RWDD3: variants seen among roughly 807,000 people sequenced by gnomAD.
RWDD3 encodes the protein RWD domain containing 3.
A neutral mutation model predicts 26.5 loss-of-function variants in RWDD3; 30 were observed. The observed-to-expected ratio is 1.13, with a 90% CI of 0.85 to 1.54. The LOEUF (loss-of-function observed/expected upper bound fraction) is 1.54, where lower values mean the gene tolerates loss of function less well. RWDD3 is among the 40% of genes most tolerant of loss of function. The pLI is 0.00. For synonymous variants in RWDD3, 113 were observed against 114.5 expected (o/e 0.99, Z 0.09); for missense variants, 296 against 309.1 (o/e 0.96, Z 0.32).
rs544103631 is a variant in RWDD3 at position 95,239,908 on chromosome 1, C to T, written c.86-4303C>T. ...GTGGTTCCCTGCACCAGAGAGGACC[C>T]GGTAGGTGTTTATATGGCACAGGTT... On this transcript the variant is annotated intron_variant, in intron 1 of 3. Transcript: ENST00000370202. 1.0e-3 allele frequency: 1,330 copies of T among 1,289,704 alleles called. 2 individuals carry two copies. Among genetic ancestry groups the T allele is most frequent in the Non-Finnish European group, 1.2e-3 (1,232 of 988,848 alleles). 79.9% of individuals were successfully genotyped at this position (1,289,704 alleles called of 1,614,324 possible). A position where few individuals can be genotyped will look rare whatever the true frequency, so the allele number is the denominator to read the frequency against.
At chr1:95,238,702 A>C (rs1004012049) in intron 1 of RWDD3, among the ~76,000 whole-genome samples, 10 of 152,012 alleles carry the variant, frequency 6.6e-5, no homozygotes, top group African/African-American at 1.7e-4. Flanking sequence ...AATCCTGAAA[A>C]ACCCATTCTC....
At position 95,244,304 on chromosome 1, in the gene RWDD3, A is replaced by G. The variant is rs371791758; in HGVS notation, c.179A>G (p.Asn60Ser). Residue 60 changes from asparagine to serine, a missense_variant, in exon 2 of 4, where the codon AAT (asparagine) becomes AGT (serine). Transcript: ENST00000370202. ...GAATTGGTGTTCCATTTGCCAGTCA[A>G]TTATCCTTCATGTCTACCTGGTATC... ...PLELVFHLPV[N>S]YPSCLPGISI... 14 of 1,614,224 alleles carry G rather than the reference A, an allele frequency of 8.7e-6. No individual in the cohort carries two copies. Among genetic ancestry groups the G allele is most frequent in the African/African-American group, 2.7e-5 (2 of 75,066 alleles).
At chr1:95,240,427 C>A (rs1557720307) in intron 1 of RWDD3, among the ~76,000 whole-genome samples, 1 of 152,066 alleles carries the variant, frequency 6.6e-6, no homozygotes, top group Non-Finnish European at 1.5e-5. Flanking sequence ...CATGAAAATA[C>A]CATAAAATAA....
At chr1:95,244,865 T>G in intron 2 of RWDD3, 167 bp downstream of exon 2, 1 of 755,122 alleles carries the variant, frequency 1.3e-6, no homozygotes. Context: ...AATGTCTGAC[T>G]GCTAATTACA....
chr1:95,237,538 C>A (rs1388182719), intron 1 of RWDD3: 1 of 152,210 alleles, frequency 6.6e-6, no homozygotes, highest in Non-Finnish European at 1.5e-5. Context: ...GGGATTTTAT[C>A]TGCCTTTTGA....
intron 1 of RWDD3, among the ~76,000 whole-genome samples, chr1:95,239,043 G>T (rs1371026437): frequency 1.3e-5 from 2 of 152,158 alleles, no homozygotes; most frequent in Non-Finnish European, 2.9e-5. Flanking sequence ...AAGAGGGCAA[G>T]ACCCTTTTGG....
At chr1:95,244,752 G>A in intron 2 of RWDD3, 54 bp downstream of exon 2, 1 of 1,572,664 alleles carries the variant, frequency 6.4e-7, no homozygotes, top group Non-Finnish European at 8.6e-7. Flanking sequence ...GCTTTAAATG[G>A]TGTGTCTTTA....
At chr1:95,242,335 T>C (rs1413286871) in intron 1 of RWDD3, among the ~76,000 whole-genome samples, 1 of 152,240 alleles carries the variant, frequency 6.6e-6, no homozygotes, top group Non-Finnish European at 1.5e-5. Context: ...GTCAATATGA[T>C]GGGATCTGTG....
chr1:95,241,232 C>T (rs148567365), intron 1 of RWDD3, among the ~76,000 whole-genome samples: 5 of 152,180 alleles, frequency 3.3e-5, no homozygotes, highest in Admixed American at 3.3e-4. Context: ...TGGTCACTAA[C>T]ACACTTCCAT....
In RWDD3 at chr1:95,234,237, G is replaced by A. The variant is rs767670174; in HGVS notation, c.7G>A (p.Glu3Lys). Residue 3 changes from glutamate to lysine, a missense_variant, in exon 1 of 4, where the codon GAG becomes AAG. Coordinates refer to ENST00000370202, the MANE Select transcript of RWDD3 (RefSeq NM_015485.5). MA[E>K]PVQEELSVLA... The stretch of plus-strand genomic sequence containing the variant: ...GGCGGTGGGGCCCACAGCCATGGCG[G>A]AGCCTGTGCAGGAGGAGCTCTCGGT... The A allele has an allele frequency of 6.3e-7, 1 of 1,589,660 alleles. No individual in the cohort carries two copies. Among genetic ancestry groups the A allele is most frequent in the Non-Finnish European group, 8.6e-7 (1 of 1,168,650 alleles).
At chr1:95,244,833 G>A in intron 2 of RWDD3, 135 bp downstream of exon 2, 1 of 992,644 alleles carries the variant, frequency 1.0e-6, no homozygotes, top group East Asian at 2.6e-5. Context: ...AATCTTAATG[G>A]ATCTTCCTTT....
At chr1:95,241,394 A>G (rs951335283) in intron 1 of RWDD3, among the ~76,000 whole-genome samples, 5 of 152,204 alleles carry the variant, frequency 3.3e-5, no homozygotes, top group East Asian at 1.9e-4. Context: ...GGTGCATACA[A>G]TGCACTCAGT....
In RWDD3 at chr1:95,246,926, T is replaced by A; in HGVS notation, c.*56T>A. 1 of 1,083,462 alleles carries A rather than the reference T, an allele frequency of 9.2e-7. No individual in the cohort carries two copies. The highest frequency in any genetic ancestry group is 1.3e-6 in the Non-Finnish European group (1 of 768,972). 67.1% of individuals were successfully genotyped at this position (1,083,462 alleles called of 1,614,324 possible). On this transcript the variant is annotated 3_prime_UTR_variant, in exon 4 of 4. Coordinates refer to ENST00000370202, the MANE Select transcript of RWDD3 (RefSeq NM_015485.5). ...GCAGTGTTTTTTGTTGTTTTTGCAT[T>A]GGATTTGGGGAGTGGTTAATTGAAA...
intron 2 of RWDD3, chr1:95,244,972 G>A (rs1680793569): frequency 1.1e-5 from 4 of 353,212 alleles, no homozygotes; most frequent in Non-Finnish European, 1.5e-5. Flanking sequence ...TGGCACATGA[G>A]TGTTTGTTTC....
chr1:95,238,163 T>A (rs1680446192), intron 1 of RWDD3, among the ~76,000 whole-genome samples: 1 of 152,202 alleles, frequency 6.6e-6, no homozygotes, highest in African/African-American at 2.4e-5. Context: ...GGAAAGAATC[T>A]TACAGATAAA....
chr1:95,236,073 C>G (rs185921466), intron 1 of RWDD3, among the ~76,000 whole-genome samples: 296 of 152,194 alleles, frequency 1.9e-3, no homozygotes, highest in African/African-American at 6.9e-3. Flanking sequence ...TGCCTGTAAT[C>G]CCAGCACTTT....
intron 1 of RWDD3, among the ~76,000 whole-genome samples, chr1:95,242,339 A>G (rs989917402): frequency 2.6e-5 from 4 of 152,314 alleles, no homozygotes; most frequent in African/African-American, 9.6e-5. Context: ...ATATGATGGG[A>G]TCTGTGTCTT....
chr1:95,242,575 A>G (rs1290182020), intron 1 of RWDD3, among the ~76,000 whole-genome samples: 1 of 152,200 alleles, frequency 6.6e-6, no homozygotes, highest in African/African-American at 2.4e-5. Flanking sequence ...GAAATGTACT[A>G]TTTTAACATA....
At position 95,244,779 on chromosome 1, in the gene RWDD3, A is replaced by G. The variant is rs562089611; in HGVS notation, c.573+81A>G. On this transcript the variant is annotated intron_variant, in intron 2 of 3. Transcript: ENST00000370202. ...GTGTCTTTAAGTGTGTTTTATAACAATGGGATAGATTAATTATTAAGATGT... is the reference window on the plus strand; with the variant it reads ...GTGTCTTTAAGTGTGTTTTATAACAGTGGGATAGATTAATTATTAAGATGT... 1.4e-5 allele frequency: 20 copies of G among 1,384,568 alleles called. No homozygotes were observed. The East Asian group carries it at 2.8e-4, about 19-fold the overall frequency. The allele number at this position is 1,384,568 out of a possible 1,614,324, so 85.8% of individuals were successfully genotyped here. A position where few individuals can be genotyped will look rare whatever the true frequency, so the allele number is the denominator to read the frequency against.
Sources: gnomAD v4.1 joint callset for allele counts (sites outside exome capture counted in the v4.1 genomes callset) on GRCh38, gnomAD v4.1.1 for gene constraint, MANE v1.5 for transcripts, NCBI Gene and HGNC (gene_info 2026-07-23, HGNC 2026-07-21) for gene names.